ANO1: variants seen among roughly 807,000 people sequenced by gnomAD.
The protein encoded by ANO1 is anoctamin 1.
Under a neutral mutation model 124.0 loss-of-function variants are expected in ANO1, and 59 were observed. That is an observed-to-expected ratio of 0.48 (90% CI 0.39 to 0.59). The LOEUF is 0.59. Among genes scored for constraint, ANO1 ranks in the 20% least tolerant of loss-of-function variants. The pLI is 0.00. For missense variants in ANO1, 1,059 were observed against 1,328.0 expected (o/e 0.80, Z 3.15); for synonymous variants, 529 against 532.0 (o/e 0.99, Z 0.08).
chr11:70,005,790 A>G (rs193271457), intron 1 of ANO1, among the ~76,000 whole-genome samples: 172 of 152,252 alleles, frequency 1.1e-3, no homozygotes, highest in African/African-American at 3.9e-3. Context: ...CTCGACCACC[A>G]AAGCTGTGGC....
chr11:70,008,516 T>C (rs112521445), intron 1 of ANO1, among the ~76,000 whole-genome samples: 4,211 of 152,312 alleles, frequency 0.028, 76 homozygotes, highest in Middle Eastern at 0.078. Context: ...TCCCATTGAG[T>C]GGTCTTGGCA....
chr11:70,006,605 T>G (rs1485469672), intron 1 of ANO1, among the ~76,000 whole-genome samples: 2 of 151,488 alleles, frequency 1.3e-5, no homozygotes, highest in African/African-American at 4.8e-5. Context: ...CTTTCCTTCT[T>G]TCTTTCTCTT....
In ANO1 at chr11:70,105,623, C is replaced by T. The variant is rs1430150583; in HGVS notation, c.693-111C>T. On this transcript the variant is annotated intron_variant, in intron 4 of 25. Transcript: ENST00000355303. ...CCTGGCGTGCGGACAGAGTTCTGTC[C>T]ATTTCACGGTCACGGCTAATGGGGA... 10 of 1,008,420 alleles carry T rather than the reference C, an allele frequency of 9.9e-6. No individual in the cohort carries two copies. In the East Asian group the frequency reaches 2.2e-4, roughly 22 times the overall value. The allele number at this position is 1,008,420 out of a possible 1,614,324, so 62.5% of individuals were successfully genotyped here. A position where few individuals can be genotyped will look rare whatever the true frequency, so the allele number is the denominator to read the frequency against.
rs1157632025 is a variant in ANO1, at chr11:70,178,224, G to A, written c.2351-1780G>A. 3.3e-5 allele frequency among the ~76,000 whole-genome samples: 5 copies of A among 152,334 alleles called. No individual in the cohort carries two copies. In the East Asian group the frequency reaches 9.7e-4, roughly 29 times the overall value. ...CCCTGACACCCAGCCAGGAGAAGCC[G>A]GGTCGGAAGTGTTTCCACTCCTAAG... On this transcript the variant is annotated intron_variant, in intron 22 of 25. Coordinates refer to ENST00000355303, the MANE Select transcript of ANO1 (RefSeq NM_018043.7).
At chr11:70,128,031 C>T (rs2046593115) in intron 10 of ANO1, among the ~76,000 whole-genome samples, 1 of 152,342 alleles carries the variant, frequency 6.6e-6, no homozygotes, top group African/African-American at 2.4e-5. Flanking sequence ...AATGTATCCA[C>T]TGAGCCTGTC....
In ANO1 at chr11:70,116,611, G is replaced by C. The variant is rs1001974749; in HGVS notation, c.897+112G>C. 2.1e-4 allele frequency: 219 copies of C among 1,039,974 alleles called. 1 individual carries two copies. The highest frequency in any genetic ancestry group is 8.9e-4 in the South Asian group (64 of 71,730). 64.4% of individuals were successfully genotyped at this position (1,039,974 alleles called of 1,614,324 possible). On this transcript the variant is annotated intron_variant, in intron 8 of 25. Coordinates refer to ENST00000355303, the MANE Select transcript of ANO1 (RefSeq NM_018043.7). ...CTTACCGGCCTCCAGGGCCTCCCCA[G>C]GGCGCTCGCTGCAGGGGGCTGAGAA...
chr11:70,067,364 G>T (rs1196365309), intron 1 of ANO1, among the ~76,000 whole-genome samples: 2 of 144,992 alleles, frequency 1.4e-5, no homozygotes, highest in Non-Finnish European at 3.0e-5. Context: ...GTCTCCCTCT[G>T]GTGCCCAGGC....
At chr11:70,177,583 C>CTT (rs571158513) in intron 22 of ANO1, among the ~76,000 whole-genome samples, 1 of 126,510 alleles carries the variant, frequency 7.9e-6, no homozygotes, top group Non-Finnish European at 1.7e-5. Context: ...TTTTTCTTTT[C>CTT]TTTTTTTTTT....
intron 10 of ANO1, among the ~76,000 whole-genome samples, chr11:70,127,718 T>G (rs2046580685): frequency 6.6e-6 from 1 of 151,970 alleles, no homozygotes; most frequent in Non-Finnish European, 1.5e-5. Context: ...AGAGTCAAGT[T>G]TTGAGAAGCT....
Position 70,187,858 on chromosome 11 carries a change from C to A in ANO1, c.2815C>A (p.Gln939Lys), listed in dbSNP as rs766648883. ...GGTGGAGCTGTTCATGCGGGAGGAGCAAGACAAGCAGCAGCTGCTGGAAAC... is the reference window on the plus strand; with the variant it reads ...GGTGGAGCTGTTCATGCGGGAGGAGAAAGACAAGCAGCAGCTGCTGGAAAC... ...LMVELFMREEQDKQQLLETWM... is the reference protein window; with the variant it reads ...LMVELFMREEKDKQQLLETWM... Residue 939 changes from glutamine to lysine, a missense_variant, in exon 26 of 26, where the codon CAA (glutamine) becomes AAA (lysine). Physicochemically the swap from Gln to Lys is moderately conservative, Grantham distance 53. This residue lies in a region of ANO1 where 809 missense variants were observed against 1,094.9 expected (regional missense o/e 0.74). Coordinates refer to ENST00000355303, the MANE Select transcript of ANO1 (RefSeq NM_018043.7). 1 of 1,607,714 alleles carries A rather than the reference C, an allele frequency of 6.2e-7. No homozygotes were observed.
chr11:70,130,900 C>G (rs2046730322), intron 10 of ANO1, among the ~76,000 whole-genome samples: 1 of 152,244 alleles, frequency 6.6e-6, no homozygotes, highest in Non-Finnish European at 1.5e-5. Flanking sequence ...TCTCCACCTC[C>G]TGTGTCCAGA....
intron 22 of ANO1, among the ~76,000 whole-genome samples, chr11:70,175,866 G>C (rs1345788425): frequency 6.6e-6 from 1 of 152,148 alleles, no homozygotes; most frequent in East Asian, 1.9e-4. Flanking sequence ...CCCACCCAAA[G>C]AATATTCTAA....
chr11:70,074,788 G>A (rs2044037136), upstream of ANO1: 1 of 152,204 alleles, frequency 6.6e-6, no homozygotes, highest in African/African-American at 2.4e-5. Flanking sequence ...TCACCAGGGT[G>A]CCTGCAAAAT....
chr11:70,159,656 G>T (rs113694758), intron 16 of ANO1, among the ~76,000 whole-genome samples: 39 of 152,246 alleles, frequency 2.6e-4, no homozygotes, highest in Middle Eastern at 6.3e-3. Flanking sequence ...TGCAGGGCGT[G>T]CCTGTTGTGG....
upstream of ANO1, among the ~76,000 whole-genome samples, chr11:69,984,523 G>T (rs565236675): frequency 2.0e-5 from 3 of 147,900 alleles, no homozygotes; most frequent in East Asian, 6.3e-4. Context: ...TGGGGGCGGG[G>T]AAGGAGACCC....
At chr11:70,136,473 ATTTAAAT>A (rs2046959963) in intron 11 of ANO1, among the ~76,000 whole-genome samples, 1 of 148,624 alleles carries the variant, frequency 6.7e-6, no homozygotes, top group Non-Finnish European at 1.5e-5. Flanking sequence ...CTCAGTCCTG[ATTTAAAT>A]GAACATCGTC....
chr11:70,072,174 G>A (rs543820634), intron 1 of ANO1, among the ~76,000 whole-genome samples: 2 of 152,256 alleles, frequency 1.3e-5, no homozygotes, highest in South Asian at 4.2e-4. Flanking sequence ...CGCAGGGTTG[G>A]GACAATTCCT....
At chr11:70,165,716 A>G in intron 20 of ANO1, 146 bp downstream of exon 20, 1 of 692,654 alleles carries the variant, frequency 1.4e-6, no homozygotes. Flanking sequence ...ACACAGAGGG[A>G]AGGTGGGGCA....
At chr11:70,110,232 G>C (rs547701875) in intron 6 of ANO1, among the ~76,000 whole-genome samples, 1 of 143,494 alleles carries the variant, frequency 7.0e-6, no homozygotes, top group East Asian at 2.1e-4. Flanking sequence ...TGTCACCCAG[G>C]CTATAGTGCA....
Sources: allele counts gnomAD v4.1 joint callset (sites outside exome capture counted in the v4.1 genomes callset), GRCh38; gene constraint gnomAD v4.1.1; regional missense constraint gnomAD v4.1.1; transcripts MANE v1.5; gene names NCBI Gene and HGNC (gene_info 2026-07-23, HGNC 2026-07-21).